Variants in DIAPH1 observed in about 807,000 individuals in gnomAD.
DIAPH1 encodes the protein diaphanous related formin 1.
DIAPH1 carries 46 observed loss-of-function variants against 140.7 expected under a neutral mutation model. That is an observed-to-expected ratio of 0.33 (90% CI 0.26 to 0.42). DIAPH1 has a LOEUF of 0.42. Among genes scored for constraint, DIAPH1 ranks in the 10% least tolerant of loss-of-function variants. The probability of loss-of-function intolerance (pLI) is 1.00; values close to 1 mark genes in which losing one functional copy is unlikely to be tolerated. For missense variants in DIAPH1, 1,310 were observed against 1,558.7 expected (o/e 0.84, Z 2.69); for synonymous variants, 565 against 551.6 (o/e 1.02, Z -0.34).
chr5:141,580,816 G>C lies in DIAPH1; in HGVS notation c.752C>G (p.Ala251Gly). ...TGCATCAATCATCATGTTGGGAACA[G>C]CAGGATCCATGGCTCTGACCAGCAG... is the stretch of plus-strand genomic sequence containing the variant. ...ILLLVRAMDP[A>G]VPNMMIDAAK... The change falls in exon 8 of 28, where the codon GCT (alanine) becomes GGT (glycine). Residue 251 changes from alanine to glycine, a missense_variant. Physicochemically the swap from Ala to Gly is moderately conservative, Grantham distance 60. Coordinates refer to ENST00000389054, the MANE Select transcript of DIAPH1 (RefSeq NM_005219.5). 2 of 1,614,168 alleles carry C rather than the reference G, an allele frequency of 1.2e-6. No homozygotes were observed. Among genetic ancestry groups the C allele is most frequent in the Non-Finnish European group, 1.7e-6 (2 of 1,179,978 alleles).
At chr5:141,559,880 T>C (rs1396878458) in intron 18 of DIAPH1, among the ~76,000 whole-genome samples, 1 of 152,210 alleles carries the variant, frequency 6.6e-6, no homozygotes. Flanking sequence ...AAAAAATGTT[T>C]TATTATGGGA....
At chr5:141,527,521 A>T in intron 24 of DIAPH1, 52 bp downstream of exon 24, 1 of 1,605,110 alleles carries the variant, frequency 6.2e-7, no homozygotes, top group Non-Finnish European at 8.5e-7. Flanking sequence ...CCACTACAGG[A>T]AGTTTTCTTT....
Position 141,536,525 on chromosome 5 carries a change from A to T in DIAPH1, c.2483-2092T>A, listed in dbSNP as rs2099889046. Among the ~76,000 whole-genome samples, 3 of 152,322 alleles carry T rather than the reference A, an allele frequency of 2.0e-5. No individual in the cohort carries two copies. In the South Asian group the frequency reaches 6.2e-4, roughly 32 times the overall value. ...AAATAAACTAGACCATTTAATAGAT[A>T]AAATAGTATACTATATTATCATAGC... On this transcript the variant is annotated intron_variant, in intron 18 of 27. Transcript: ENST00000389054.
At chr5:141,596,570 A>T (rs975142727) in intron 1 of DIAPH1, among the ~76,000 whole-genome samples, 1 of 152,166 alleles carries the variant, frequency 6.6e-6, no homozygotes, top group Non-Finnish European at 1.5e-5. Flanking sequence ...ATTCATAACA[A>T]TATAAAAAAG....
chr5:141,515,373 T>C lies in DIAPH1; in HGVS notation c.*1478A>G, dbSNP rs1462509576. 5 of 152,260 alleles carry C rather than the reference T, an allele frequency of 3.3e-5. No individual in the cohort carries two copies. Among genetic ancestry groups the C allele is most frequent in the African/African-American group, 1.2e-4 (5 of 41,458 alleles). The allele number at this position is 152,260 out of a possible 1,614,324, so 9.4% of individuals were successfully genotyped here. A position where few individuals can be genotyped will look rare whatever the true frequency, so the allele number is the denominator to read the frequency against. On this transcript the variant is annotated 3_prime_UTR_variant, in exon 28 of 28. Transcript: ENST00000389054. ...TAAGGCCTCACTATAGTTGCCCTCA[T>C]GCTTCCTAAGCTCTCTCTTGCTCTA...
chr5:141,547,912 G>A (rs1271298463), intron 18 of DIAPH1, among the ~76,000 whole-genome samples: 1 of 152,108 alleles, frequency 6.6e-6, no homozygotes, highest in African/African-American at 2.4e-5. Context: ...AAAAATCCTT[G>A]CTGGGTGTGG....
rs1473345157 is a variant in DIAPH1 at position 141,565,797 on chromosome 5, G to A, written c.2482+5631C>T. 6.6e-6 allele frequency among the ~76,000 whole-genome samples: 1 copy of A among 152,216 alleles called. No homozygotes were observed. The highest frequency in any genetic ancestry group is 1.5e-5 in the Non-Finnish European group (1 of 68,038). ...GCAACTTCACAAATTAAGCAGAGGAGAGTTGGGAGAAAGATCAGCCAGTGA... is the reference window on the plus strand; with the variant it reads ...GCAACTTCACAAATTAAGCAGAGGAAAGTTGGGAGAAAGATCAGCCAGTGA... On this transcript the variant is annotated intron_variant, in intron 18 of 27. Transcript: ENST00000389054. The surrounding 1 kb of genome is among the most constrained non-coding windows in gnomAD (Gnocchi z 4.3).
At chr5:141,579,596 C>A (rs947956975) in intron 8 of DIAPH1, among the ~76,000 whole-genome samples, 2 of 152,170 alleles carry the variant, frequency 1.3e-5, no homozygotes, top group Non-Finnish European at 2.9e-5. Flanking sequence ...AGGATGTTCA[C>A]TGCAGTATCA....
chr5:141,608,470 C>T (rs1168346485), intron 1 of DIAPH1, among the ~76,000 whole-genome samples: 1 of 152,180 alleles, frequency 6.6e-6, no homozygotes, highest in African/African-American at 2.4e-5. Context: ...AGATCACAGC[C>T]TTAGAGCTTT....
chr5:141,603,620 T>C (rs1270506446), intron 1 of DIAPH1, among the ~76,000 whole-genome samples: 2 of 152,214 alleles, frequency 1.3e-5, no homozygotes, highest in African/African-American at 4.8e-5. Context: ...TGTATTTCAA[T>C]AATTTGCTTA....
chr5:141,587,651 G>A (rs1265431002), intron 2 of DIAPH1, among the ~76,000 whole-genome samples: 1 of 152,110 alleles, frequency 6.6e-6, no homozygotes, highest in Non-Finnish European at 1.5e-5. Context: ...AAGCCAAATA[G>A]GATAAATTTG....
rs1023232296 is a variant in DIAPH1 at position 141,515,727 on chromosome 5, C to G, written c.*1124G>C. ...TACTCTTAGGCCTGGCCCAGCTCAA[C>G]CAGAGAAGGGGTTCCTCCTGTGTCG... On this transcript the variant is annotated 3_prime_UTR_variant, in exon 28 of 28. Transcript: ENST00000389054. 1 of 152,164 alleles carries G rather than the reference C, an allele frequency of 6.6e-6. No individual in the cohort carries two copies. The highest frequency in any genetic ancestry group is 6.5e-5 in the Admixed American group (1 of 15,278). 9.4% of individuals were successfully genotyped at this position (152,164 alleles called of 1,614,324 possible). A position where few individuals can be genotyped will look rare whatever the true frequency, so the allele number is the denominator to read the frequency against.
chr5:141,567,436 C>G (rs3805689), intron 18 of DIAPH1, among the ~76,000 whole-genome samples: 3,471 of 152,258 alleles, frequency 0.023, 55 homozygotes, highest in East Asian at 0.047. Context: ...TTTCTTTGTG[C>G]TAGTAGTCTG....
intron 1 of DIAPH1, among the ~76,000 whole-genome samples, chr5:141,616,120 G>A (rs1487191467): frequency 6.6e-6 from 1 of 152,198 alleles, no homozygotes. Context: ...CCTGGCTTCA[G>A]CCACTCACTG....
intron 1 of DIAPH1, among the ~76,000 whole-genome samples, chr5:141,615,131 A>G (rs1252049061): frequency 6.6e-6 from 1 of 152,194 alleles, no homozygotes; most frequent in African/African-American, 2.4e-5. Context: ...AATAATTTTA[A>G]TAATAGTAAA....
At chr5:141,607,388 A>C (rs952001935) in intron 1 of DIAPH1, among the ~76,000 whole-genome samples, 2 of 152,356 alleles carry the variant, frequency 1.3e-5, no homozygotes, top group African/African-American at 4.8e-5. Context: ...CGATGTATTA[A>C]AATTGGTAAG....
chr5:141,577,343 G>A (rs774300398), intron 12 of DIAPH1, 132 bp downstream of exon 12: 126 of 760,862 alleles, frequency 1.7e-4, no homozygotes, highest in Admixed American at 2.3e-4. Context: ...CCTTTATATC[G>A]GTGACTAATG....
rs112830605 is a variant in DIAPH1, at chr5:141,577,018, A to C, written c.1281-147T>G. On this transcript the variant is annotated intron_variant, in intron 12 of 27. Transcript: ENST00000389054. Reference sequence around the variant, plus strand: ...TTAACACAAGTATTGCTGCCATGCTAAGAAAACTCCTTTTTCCACATCAGC... The same window carrying C: ...TTAACACAAGTATTGCTGCCATGCTCAGAAAACTCCTTTTTCCACATCAGC... 0.011 allele frequency: 7,385 copies of C among 664,986 alleles called. 54 individuals carry two copies. Among genetic ancestry groups the C allele is most frequent in the Middle Eastern group, 0.015 (38 of 2,460 alleles). The allele number at this position is 664,986 out of a possible 1,614,324, so 41.2% of individuals were successfully genotyped here.
chr5:141,590,832 C>A (rs1030576582), intron 1 of DIAPH1, among the ~76,000 whole-genome samples: 3 of 151,908 alleles, frequency 2.0e-5, no homozygotes, highest in Non-Finnish European at 4.4e-5. Context: ...TGTCTACTAG[C>A]ACTACCTAAG....
Sources: gnomAD v4.1 joint callset for allele counts (sites outside exome capture counted in the v4.1 genomes callset) on GRCh38, gnomAD v4.1.1 for gene constraint, Gnocchi (gnomAD v3.1) non-coding constraint, MANE v1.5 for transcripts, NCBI Gene and HGNC (gene_info 2026-07-23, HGNC 2026-07-21) for gene names.